The following LRFN5 variants were observed in gnomAD, a reference collection of about 807,000 sequenced individuals.
LRFN5 encodes the protein leucine rich repeat and fibronectin type III domain containing 5, also known as leucine-rich repeat and fibronectin type-III domain-containing protein 5.
A neutral mutation model predicts 45.6 loss-of-function variants in LRFN5; 24 were observed. The ratio of observed to expected loss-of-function variants is 0.53; its 90% CI spans 0.38 to 0.74. LRFN5 has a LOEUF of 0.74. Ranked by LOEUF, LRFN5 falls within the 30% of genes least tolerant of loss-of-function variation. The pLI is 0.00. For missense variants in LRFN5, 776 were observed against 861.5 expected, an observed-to-expected ratio of 0.90 and a Z score of 1.24; for synonymous variants, 340 against 313.8, an observed-to-expected ratio of 1.08 and a Z score of -0.88.
In LRFN5 at chr14:41,757,552, G is replaced by A. The variant is rs910675278; in HGVS notation, c.-196-9302G>A. Among the ~76,000 whole-genome samples, 10 of 152,116 alleles carry A rather than the reference G, an allele frequency of 6.6e-5. 1 individual carries two copies. Among genetic ancestry groups the A allele is most frequent in the East Asian group, 5.8e-4 (3 of 5,158 alleles). Reference sequence around the variant, plus strand: ...AGGCTCCGTGGGCGTAGGACCCTCCGAGCCAGGTGTGGGATATAATCTTCT... The same window carrying A: ...AGGCTCCGTGGGCGTAGGACCCTCCAAGCCAGGTGTGGGATATAATCTTCT... On this transcript the variant is annotated intron_variant, in intron 1 of 5. Coordinates refer to ENST00000298119, the MANE Select transcript of LRFN5 (RefSeq NM_152447.5).
rs76590978 is a variant in LRFN5, at chr14:41,875,935, C to A, written c.-20-10671C>A. ...ATAGGCCACGTATTTAACCAGCTGG[C>A]CTCCCTCACAAATTGCTCATGAGGA... is the stretch of plus-strand genomic sequence containing the variant. On this transcript the variant is annotated intron_variant, in intron 2 of 5. Transcript: ENST00000298119. Among the ~76,000 whole-genome samples the A allele has an allele frequency of 7.7e-4, 117 of 152,242 alleles. 2 individuals are homozygous for A. The East Asian group carries it at 0.018, about 24-fold the overall frequency.
intron 2 of LRFN5, among the ~76,000 whole-genome samples, chr14:41,809,629 C>T (rs1887671673): frequency 6.6e-6 from 1 of 150,838 alleles, no homozygotes; most frequent in African/African-American, 2.4e-5. Flanking sequence ...TTATATTTAC[C>T]TTTGTCTAAT....
At chr14:41,709,385 A>T (rs1374007801) in intron 1 of LRFN5, among the ~76,000 whole-genome samples, 1 of 152,016 alleles carries the variant, frequency 6.6e-6, no homozygotes, top group Non-Finnish European at 1.5e-5. Flanking sequence ...TTGGACCCAG[A>T]CTTGGAATTC....
intron 1 of LRFN5, among the ~76,000 whole-genome samples, chr14:41,671,318 A>G (rs548153197): frequency 6.6e-6 from 1 of 152,148 alleles, no homozygotes; most frequent in Non-Finnish European, 1.5e-5. Context: ...CTTTAATCTA[A>G]AAGTGAAGGG....
intron 2 of LRFN5, among the ~76,000 whole-genome samples, chr14:41,822,837 A>G (rs1251556773): frequency 1.6e-5 from 2 of 125,748 alleles, no homozygotes; most frequent in Non-Finnish European, 3.3e-5. Context: ...TATTGGTTGC[A>G]TATATATTTA....
At chr14:41,653,184 A>C (rs1880212328) in intron 1 of LRFN5, among the ~76,000 whole-genome samples, 1 of 152,036 alleles carries the variant, frequency 6.6e-6, no homozygotes, top group Non-Finnish European at 1.5e-5. Flanking sequence ...CCCATTTGTC[A>C]ATTTTTGCTT....
chr14:41,673,736 G>T (rs1881388248), intron 1 of LRFN5, among the ~76,000 whole-genome samples: 1 of 141,736 alleles, frequency 7.1e-6, no homozygotes, highest in Non-Finnish European at 1.5e-5. Flanking sequence ...TCACTTCCCA[G>T]TAGGGGTGGC....
intron 3 of LRFN5, among the ~76,000 whole-genome samples, chr14:41,890,981 T>G (rs764978821): frequency 1.3e-5 from 2 of 152,150 alleles, no homozygotes; most frequent in Non-Finnish European, 2.9e-5. Context: ...TTTAGCAGTG[T>G]TTTTTATTAG....
At chr14:41,840,996 A>T (rs944555010) in intron 2 of LRFN5, among the ~76,000 whole-genome samples, 1 of 151,934 alleles carries the variant, frequency 6.6e-6, no homozygotes, top group African/African-American at 2.4e-5. Context: ...GAATTTGTTT[A>T]AAAATGTTAC....
intron 2 of LRFN5, among the ~76,000 whole-genome samples, chr14:41,886,073 T>C (rs189328097): frequency 1.7e-4 from 26 of 151,334 alleles, no homozygotes; most frequent in African/African-American, 5.6e-4. Flanking sequence ...AGATAGTTTG[T>C]AAAGAAGAAA....
intron 1 of LRFN5, among the ~76,000 whole-genome samples, chr14:41,677,149 A>G (rs1881670300): frequency 1.3e-5 from 2 of 152,234 alleles, no homozygotes; most frequent in African/African-American, 4.8e-5. Flanking sequence ...AGGGGAAAAA[A>G]AATCTAGCAG....
At chr14:41,689,617 G>A (rs955296001) in intron 1 of LRFN5, among the ~76,000 whole-genome samples, 6 of 151,982 alleles carry the variant, frequency 3.9e-5, no homozygotes, top group African/African-American at 1.4e-4. Flanking sequence ...ATTACTGGCC[G>A]GGCGCGGTGG....
intron 1 of LRFN5, among the ~76,000 whole-genome samples, chr14:41,765,675 G>C (rs558558354): frequency 1.3e-5 from 2 of 152,000 alleles, no homozygotes; most frequent in Non-Finnish European, 2.9e-5. Flanking sequence ...TTGTGTATGT[G>C]GTATGTCCCA....
intron 1 of LRFN5, among the ~76,000 whole-genome samples, chr14:41,635,883 A>G (rs999601713): frequency 2.0e-5 from 3 of 152,136 alleles, no homozygotes; most frequent in South Asian, 2.1e-4. Flanking sequence ...ACTAGTTTCT[A>G]ATTCTTAAAG....
At chr14:41,791,398 T>TGAATG (rs1267862260) in intron 2 of LRFN5, among the ~76,000 whole-genome samples, 1 of 152,008 alleles carries the variant, frequency 6.6e-6, no homozygotes, top group Non-Finnish European at 1.5e-5. Context: ...CTCAGCATAA[T>TGAATG]GAATGTACTT....
At position 41,843,707 on chromosome 14, in the gene LRFN5, T is replaced by G. The variant is rs752290279; in HGVS notation, c.-20-42899T>G. Among the ~76,000 whole-genome samples the G allele has an allele frequency of 1.2e-4, 19 of 152,176 alleles. 1 individual carries two copies. The highest frequency in any genetic ancestry group is 4.1e-4 in the South Asian group (2 of 4,834). On this transcript the variant is annotated intron_variant, in intron 2 of 5. Transcript: ENST00000298119. Reference sequence around the variant, plus strand: ...CTAATAAATTGTACTAATACTTTCTTGCCTACGTATACATATATGTCAACA... The same window carrying G: ...CTAATAAATTGTACTAATACTTTCTGGCCTACGTATACATATATGTCAACA...
chr14:41,758,207 A>G (rs1165787361), intron 1 of LRFN5, among the ~76,000 whole-genome samples: 1 of 152,188 alleles, frequency 6.6e-6, no homozygotes, highest in East Asian at 1.9e-4. Context: ...CACCAAGTTC[A>G]TAATGAGACA....
At chr14:41,703,686 C>T (rs1199025665) in intron 1 of LRFN5, among the ~76,000 whole-genome samples, 1 of 152,060 alleles carries the variant, frequency 6.6e-6, no homozygotes, top group African/African-American at 2.4e-5. Context: ...TGCACATTCT[C>T]AGAGTAAATG....
rs755666430 is a variant in LRFN5 at position 41,891,755 on chromosome 14, C to T, written c.1891C>T (p.Pro631Ser). Reference sequence around the variant, plus strand: ...CTCTACCACTACCTCTGCTTTGCCTCCTTCCTGGACTTCAAGCACTTCTGT... The same window carrying T: ...CTCTACCACTACCTCTGCTTTGCCTTCTTCCTGGACTTCAAGCACTTCTGT... ...DSSTTTSALP[P>S]SWTSSTSVSQ... is the part of the protein sequence containing the mutation. Residue 631 changes from proline (P) to serine (S), a missense_variant, in exon 4 of 6, where the codon CCT becomes TCT. Around this residue, in one of 2 missense-constraint regions of LRFN5, gnomAD observed 465 missense variants for 456.4 expected, o/e 1.02. Coordinates refer to ENST00000298119, the MANE Select transcript of LRFN5 (RefSeq NM_152447.5). 6.2e-7 allele frequency: 1 copy of T among 1,614,052 alleles called. No individual in the cohort carries two copies. Among genetic ancestry groups the T allele is most frequent in the Non-Finnish European group, 8.5e-7 (1 of 1,180,028 alleles).
Sources: gnomAD v4.1 joint callset for allele counts (sites outside exome capture counted in the v4.1 genomes callset) on GRCh38, gnomAD v4.1.1 for gene constraint, gnomAD v4.1.1 regional missense constraint, MANE v1.5 for transcripts, NCBI Gene and HGNC (gene_info 2026-07-23, HGNC 2026-07-21) for gene names.